Variants in SCAPER observed in about 807,000 individuals in gnomAD.
SCAPER encodes the protein S-phase cyclin A associated protein in the ER, also known as S phase cyclin A-associated protein in the endoplasmic reticulum.
SCAPER carries 98 observed loss-of-function variants against 182.2 expected under a neutral mutation model. The ratio of observed to expected loss-of-function variants is 0.54; its 90% CI spans 0.46 to 0.64. The LOEUF is 0.64. Ranked by LOEUF, SCAPER falls within the 30% of genes least tolerant of loss-of-function variation. The pLI, the probability that SCAPER is intolerant of heterozygous loss-of-function variation, is 0.00. For missense variants in SCAPER, 1,432 were observed against 1,690.0 expected, an observed-to-expected ratio of 0.85 and a Z score of 2.68; for synonymous variants, 605 against 564.6, an observed-to-expected ratio of 1.07 and a Z score of -1.01.
intron 15 of SCAPER, among the ~76,000 whole-genome samples, chr15:76,734,743 C>T (rs1268046499): frequency 6.6e-6 from 1 of 152,074 alleles, no homozygotes; most frequent in African/African-American, 2.4e-5. Flanking sequence ...GATGTGGTGG[C>T]AGGCACCTAA....
chr15:76,707,633 A>ATTC (rs1285319212), intron 17 of SCAPER, among the ~76,000 whole-genome samples: 2 of 152,222 alleles, frequency 1.3e-5, no homozygotes, highest in African/African-American at 4.8e-5. Context: ...AAACTAAACA[A>ATTC]GAAATACACA....
intron 21 of SCAPER, among the ~76,000 whole-genome samples, chr15:76,639,622 CA>C (rs2053936371): frequency 6.6e-6 from 1 of 152,138 alleles, no homozygotes; most frequent in Non-Finnish European, 1.5e-5. Context: ...TGGCAATCAT[CA>C]AAAGGTCAAT....
At chr15:76,847,321 A>G (rs1231123025) in intron 4 of SCAPER, among the ~76,000 whole-genome samples, 1 of 152,152 alleles carries the variant, frequency 6.6e-6, no homozygotes, top group East Asian at 1.9e-4. Flanking sequence ...GTGCACATGT[A>G]TCCCAGAACT....
At chr15:76,844,242 G>A (rs2069790042) in intron 4 of SCAPER, among the ~76,000 whole-genome samples, 1 of 111,906 alleles carries the variant, frequency 8.9e-6, no homozygotes, top group African/African-American at 2.8e-5. Flanking sequence ...TTTTAATCAA[G>A]GACATTTGAG....
chr15:76,752,216 C>T (rs2062130712), intron 15 of SCAPER, among the ~76,000 whole-genome samples: 1 of 151,456 alleles, frequency 6.6e-6, no homozygotes, highest in Admixed American at 6.6e-5. Flanking sequence ...ACTACTATCA[C>T]AAAAACAAAA....
chr15:76,841,008 T>C (rs548152468), intron 5 of SCAPER, among the ~76,000 whole-genome samples: 1 of 152,326 alleles, frequency 6.6e-6, no homozygotes, highest in East Asian at 1.9e-4. Flanking sequence ...AAGGGAGTAA[T>C]GTCCAATTAG....
intron 26 of SCAPER, among the ~76,000 whole-genome samples, chr15:76,428,756 A>C (rs2046616096): frequency 6.6e-6 from 1 of 151,248 alleles, no homozygotes; most frequent in Non-Finnish European, 1.5e-5. Context: ...TTAACAGTAA[A>C]GTGTTGTATA....
intron 25 of SCAPER, among the ~76,000 whole-genome samples, chr15:76,447,679 C>T (rs901355252): frequency 6.6e-6 from 1 of 152,182 alleles, no homozygotes; most frequent in Non-Finnish European, 1.5e-5. Flanking sequence ...TTCTTAGACA[C>T]CTATCTCTGA....
chr15:76,903,809 CT>C (rs918943574), intron 1 of SCAPER, among the ~76,000 whole-genome samples: 1 of 152,142 alleles, frequency 6.6e-6, no homozygotes, highest in African/African-American at 2.4e-5. Flanking sequence ...GTTCTCAATA[CT>C]TTACAGACAC....
intron 26 of SCAPER, among the ~76,000 whole-genome samples, chr15:76,407,873 A>T (rs540188863): frequency 1.2e-3 from 181 of 152,290 alleles, no homozygotes; most frequent in Non-Finnish European, 2.0e-3. Context: ...ACCCATGGCC[A>T]ATCCTATCTG....
intron 23 of SCAPER, among the ~76,000 whole-genome samples, chr15:76,518,289 G>A (rs1057399710): frequency 2.0e-5 from 3 of 152,140 alleles, no homozygotes; most frequent in Non-Finnish European, 2.9e-5. Context: ...ATCTCTGCAG[G>A]CTCTGCTTCC....
At chr15:76,415,353 T>C (rs7164060) in intron 26 of SCAPER, among the ~76,000 whole-genome samples, 60,620 of 151,986 alleles carry the variant, frequency 0.4, 14,399 homozygotes, top group Middle Eastern at 0.55. Flanking sequence ...CATCCATAAA[T>C]TACTCCTTTA....
At chr15:76,665,000 T>C (rs1427058605) in intron 21 of SCAPER, among the ~76,000 whole-genome samples, 1 of 152,172 alleles carries the variant, frequency 6.6e-6, no homozygotes, top group Non-Finnish European at 1.5e-5. Context: ...TATACGGACA[T>C]ATTCAGAATA....
At chr15:76,363,512 A>G (rs1468155603) in intron 29 of SCAPER, among the ~76,000 whole-genome samples, 1 of 152,226 alleles carries the variant, frequency 6.6e-6, no homozygotes, top group African/African-American at 2.4e-5. Flanking sequence ...TGGCTTTGTA[A>G]GCACCTGTCA....
chr15:76,637,734 ATATATATATGTGTGTGTGTGTGTGTGTG>A (rs1297276092), intron 21 of SCAPER, among the ~76,000 whole-genome samples: 30 of 31,550 alleles, frequency 9.5e-4, no homozygotes, highest in African/African-American at 2.4e-3. Flanking sequence ...ATATATATAT[ATATATATATGTGTGTGTGTGTGTGTGTG>A]TGTGTGTGTG....
intron 2 of SCAPER, among the ~76,000 whole-genome samples, chr15:76,878,114 A>G (rs1295722765): frequency 6.6e-6 from 1 of 152,212 alleles, no homozygotes; most frequent in Non-Finnish European, 1.5e-5. Context: ...TGTTTCATAC[A>G]CACAAAGAGA....
intron 23 of SCAPER, among the ~76,000 whole-genome samples, chr15:76,562,148 C>CA (rs66722088): frequency 0.42 from 31,184 of 74,200 alleles, 6,773 homozygotes; most frequent in Middle Eastern, 0.53. Context: ...AACTTCATCT[C>CA]AAAAAAAAAA....
chr15:76,609,443 T>G (rs1037160804), intron 22 of SCAPER, among the ~76,000 whole-genome samples: 1 of 152,048 alleles, frequency 6.6e-6, no homozygotes, highest in Admixed American at 6.6e-5. Context: ...GCTATGATCA[T>G]GCCACTGCAC....
At chr15:76,654,052 G>C (rs1030933977) in intron 21 of SCAPER, among the ~76,000 whole-genome samples, 2 of 152,110 alleles carry the variant, frequency 1.3e-5, no homozygotes, top group Non-Finnish European at 2.9e-5. Flanking sequence ...GACATGAACA[G>C]ACACTTCTCA....
Sources: gnomAD v4.1 joint callset for allele counts (sites outside exome capture counted in the v4.1 genomes callset) on GRCh38, gnomAD v4.1.1 for gene constraint, MANE v1.5 for transcripts, NCBI Gene and HGNC (gene_info 2026-07-23, HGNC 2026-07-21) for gene names.